The following ERI2 variants were observed in gnomAD, a reference collection of about 807,000 sequenced individuals.
The protein encoded by ERI2 is ERI1 exoribonuclease 2.
In ERI2, 35 loss-of-function variants were observed where a neutral mutation model predicts 46.8. That is an observed-to-expected ratio of 0.75 (90% CI 0.57 to 0.99). The LOEUF is 0.99. ERI2 is among the 50% of genes least tolerant of loss of function. The probability of loss-of-function intolerance (pLI) is 0.00; values close to 1 mark genes in which losing one functional copy is unlikely to be tolerated. For missense variants in ERI2, 695 were observed against 796.2 expected, an observed-to-expected ratio of 0.87 and a Z score of 1.53; for synonymous variants, 224 against 271.0, an observed-to-expected ratio of 0.83 and a Z score of 1.70.
intron 10 of ERI2, among the ~76,000 whole-genome samples, chr16:20,787,005 G>C (rs973819425): frequency 6.6e-6 from 1 of 152,154 alleles, no homozygotes; most frequent in African/African-American, 2.4e-5. Context: ...GCCATTTCCA[G>C]CCTCTCTGTA....
intron 10 of ERI2, among the ~76,000 whole-genome samples, chr16:20,782,440 T>TA (rs1375518483): frequency 6.6e-6 from 1 of 152,176 alleles, no homozygotes; most frequent in Non-Finnish European, 1.5e-5. Flanking sequence ...ATATCATTCT[T>TA]ACGCTATTGC....
At chr16:20,791,019 TC>T (rs1294751244) in intron 8 of ERI2, 2 of 1,404,752 alleles carry the variant, frequency 1.4e-6, no homozygotes, top group African/African-American at 2.9e-5. Context: ...CAGTTAGTGC[TC>T]TTTCTTTTCG....
rs2080875315 is a variant in ERI2 at position 20,806,432 on chromosome 16, C to A, written c.-2G>T. On this transcript the variant is annotated 5_prime_UTR_variant, in exon 1 of 9. Transcript: ENST00000357967. The stretch of plus-strand genomic sequence containing the variant: ...CCGCGCGAGCCGCTTGGTCGCCATT[C>A]CCGACACTCCTTGCTTTTCCAAGTC... The A allele has an allele frequency of 1.9e-6, 3 of 1,553,322 alleles. No homozygotes were observed. The highest frequency in any genetic ancestry group is 2.7e-5 in the African/African-American group (2 of 73,186).
chr16:20,798,931 T>C lies in ERI2; in HGVS notation c.869A>G (p.His290Arg), dbSNP rs1359412921. The C allele has an allele frequency of 6.4e-7, 1 of 1,551,266 alleles. No homozygotes were observed. Among genetic ancestry groups the C allele is most frequent in the African/African-American group, 1.4e-5 (1 of 73,148 alleles). ...NKEPKNIINP[H>R]EKVQMKSICA... ...AATTGACTTCATTTGAACTTTTTCA[T>C]GAGGATTTATTATATTTTTAGGCTC... Residue 290 changes from histidine (H) to arginine (R), a missense_variant, in exon 9 of 9, where the codon CAT becomes CGT. Transcript: ENST00000357967.
rs1382116510 is a variant in ERI2 at position 20,799,070 on chromosome 16, A to G, written c.733-3T>C. 16 of 1,497,630 alleles carry G rather than the reference A, an allele frequency of 1.1e-5. No homozygotes were observed. Among genetic ancestry groups the G allele is most frequent in the African/African-American group, 1.4e-5 (1 of 70,612 alleles). 92.8% of individuals were successfully genotyped at this position (1,497,630 alleles called of 1,614,324 possible). A position where few individuals can be genotyped will look rare whatever the true frequency, so the allele number is the denominator to read the frequency against. On this transcript the variant is annotated splice_region_variant and splice_polypyrimidine_tract_variant and intron_variant, in intron 8 of 8. Coordinates refer to ENST00000357967, the MANE Select transcript of ERI2 (RefSeq NM_001142725.2). ...CTGAAATTCTTCTTAGTGGGAACCT[A>G]TGATTCCACAGACAAATGCAACAGC...
chr16:20,781,802 T>G, intron 10 of ERI2: 2 of 1,572,222 alleles, frequency 1.3e-6, no homozygotes, highest in Non-Finnish European at 1.8e-6. Context: ...GAAATGTTAG[T>G]AAATAGGCAT....
At chr16:20,787,904 C>T (rs530808971) in intron 10 of ERI2, among the ~76,000 whole-genome samples, 101 of 152,244 alleles carry the variant, frequency 6.6e-4, no homozygotes, top group African/African-American at 2.4e-3. Context: ...TGAAGAACCA[C>T]CCCCCGACAA....
At chr16:20,805,313 T>C (rs1009887137) in intron 1 of ERI2, among the ~76,000 whole-genome samples, 4 of 151,656 alleles carry the variant, frequency 2.6e-5, no homozygotes. Context: ...TAATCCCAGC[T>C]ACTTGGGAGG....
Position 20,806,451 on chromosome 16 carries a change from C to T in ERI2, c.-21G>A, listed in dbSNP as rs1232690007. 2 of 1,552,568 alleles carry T rather than the reference C, an allele frequency of 1.3e-6. No individual in the cohort carries two copies. The highest frequency in any genetic ancestry group is 1.7e-6 in the Non-Finnish European group (2 of 1,147,794). Reference sequence around the variant, plus strand: ...GCCATTCCCGACACTCCTTGCTTTTCCAAGTCCAGCTGCCGGAAGTCGCTC... The same window carrying T: ...GCCATTCCCGACACTCCTTGCTTTTTCAAGTCCAGCTGCCGGAAGTCGCTC... On this transcript the variant is annotated 5_prime_UTR_variant, in exon 1 of 9. Coordinates refer to ENST00000357967, the MANE Select transcript of ERI2 (RefSeq NM_001142725.2).
rs1208760790 is a variant in ERI2, at chr16:20,798,212, C to G, written c.1588G>C (p.Gly530Arg). The change falls in exon 9 of 9, where the codon GGT becomes CGT. Residue 530 changes from glycine to arginine, a missense_variant. Coordinates refer to ENST00000357967, the MANE Select transcript of ERI2 (RefSeq NM_001142725.2). ...CTGCATGGATTCCTTTTGGTACCAC[C>G]TGAAAGAAGAGGATGTTTCCCCAAA... ...LVLGKHPLLS[G>R]GTKRNPCSPQ... 6.4e-7 allele frequency: 1 copy of G among 1,551,540 alleles called. No homozygotes were observed. The highest frequency in any genetic ancestry group is 1.4e-5 in the African/African-American group (1 of 73,126).
downstream of ERI2, chr16:20,796,149 G>T: frequency 1.6e-6 from 1 of 623,792 alleles, no homozygotes; most frequent in Non-Finnish European, 2.5e-6. Flanking sequence ...TGAGGGCTAG[G>T]CTGGATGAGG....
chr16:20,796,724 T>A lies in ERI2; in HGVS notation c.*1000A>T. ...GTAAATACTTAATATCAAGACAACTTTCCTAACAATACCCTTTTCCCTATT... is the reference window on the plus strand; with the variant it reads ...GTAAATACTTAATATCAAGACAACTATCCTAACAATACCCTTTTCCCTATT... On this transcript the variant is annotated 3_prime_UTR_variant, in exon 9 of 9. Transcript: ENST00000357967. 6.7e-7 allele frequency: 1 copy of A among 1,491,896 alleles called. No homozygotes were observed. Among genetic ancestry groups the A allele is most frequent in the Non-Finnish European group, 8.9e-7 (1 of 1,127,626 alleles). 92.4% of individuals were successfully genotyped at this position (1,491,896 alleles called of 1,614,324 possible). A position where few individuals can be genotyped will look rare whatever the true frequency, so the allele number is the denominator to read the frequency against.
At chr16:20,805,893 T>C in intron 1 of ERI2, 1 of 872,328 alleles carries the variant, frequency 1.1e-6, no homozygotes, top group Non-Finnish European at 1.4e-6. Context: ...AATGACCCTG[T>C]CTCCTTTGTT....
At chr16:20,780,345 C>T in exon 11 of ERI2, 1 of 385,632 alleles carries the variant, frequency 2.6e-6, no homozygotes, top group Non-Finnish European at 4.7e-6. Context: ...TTAAAGCATC[C>T]ATAGGGGAGG....
At chr16:20,793,269 G>A (rs1051911693), downstream of ERI2, among the ~76,000 whole-genome samples, 3 of 152,096 alleles carry the variant, frequency 2.0e-5, no homozygotes, top group Non-Finnish European at 4.4e-5. Flanking sequence ...AGGAGTTTGA[G>A]ACAAGCCTGG....
chr16:20,801,063 G>T, intron 5 of ERI2, 140 bp downstream of exon 5: 2 of 628,406 alleles, frequency 3.2e-6, no homozygotes, highest in Non-Finnish European at 4.9e-6. Flanking sequence ...GCTAACATCT[G>T]CTAGGCATTT....
intron 10 of ERI2, among the ~76,000 whole-genome samples, chr16:20,783,095 C>T (rs1234399773): frequency 6.6e-6 from 1 of 152,192 alleles, no homozygotes; most frequent in African/African-American, 2.4e-5. Context: ...CTGTTCCTGG[C>T]TTAGTCTTTC....
At chr16:20,801,118 G>T in intron 5 of ERI2, 85 bp downstream of exon 5, 2 of 1,210,428 alleles carry the variant, frequency 1.7e-6, no homozygotes, top group Non-Finnish European at 1.1e-6. Context: ...ATAATTCTAG[G>T]TTAGCAAGTA....
exon 11 of ERI2, chr16:20,780,579 G>A: frequency 6.3e-7 from 1 of 1,582,876 alleles, no homozygotes; most frequent in South Asian, 1.1e-5. Flanking sequence ...CTTTTACCCT[G>A]TAATTCAAGC....
Sources: allele counts gnomAD v4.1 joint callset (sites outside exome capture counted in the v4.1 genomes callset), GRCh38; gene constraint gnomAD v4.1.1; transcripts MANE v1.5; gene names NCBI Gene and HGNC (gene_info 2026-07-23, HGNC 2026-07-21).